Variants in CHSY3 observed in about 807,000 individuals in gnomAD.
CHSY3 encodes the protein chondroitin sulfate synthase 3, also known as N-acetylgalactosaminyl-proteoglycan 3-beta-glucuronosyltransferase 3.
CHSY3 carries 35 observed loss-of-function variants against 67.2 expected under a neutral mutation model. The observed-to-expected ratio is 0.52, with a 90% confidence interval of 0.40 to 0.69. CHSY3 has a LOEUF of 0.69. Ranked by LOEUF, CHSY3 falls within the 30% of genes least tolerant of loss-of-function variation. The pLI is 0.00. For missense variants in CHSY3, 1,069 were observed against 1,138.5 expected, an observed-to-expected ratio of 0.94 and a Z score of 0.88; for synonymous variants, 474 against 434.7, an observed-to-expected ratio of 1.09 and a Z score of -1.12.
intron 2 of CHSY3, among the ~76,000 whole-genome samples, chr5:129,945,058 T>G (rs898820185): frequency 1.3e-5 from 2 of 152,244 alleles, no homozygotes; most frequent in African/African-American, 4.8e-5. Context: ...TGAATTTATC[T>G]ATGCAAATTA....
At chr5:130,071,291 G>A (rs1355757367) in intron 2 of CHSY3, among the ~76,000 whole-genome samples, 1 of 151,974 alleles carries the variant, frequency 6.6e-6, no homozygotes, top group Admixed American at 6.6e-5. Context: ...ATTAGTTCTT[G>A]GTTGCCTGGA....
chr5:130,114,639 A>C (rs1271720341), intron 2 of CHSY3: 1 of 152,188 alleles, frequency 6.6e-6, no homozygotes, highest in East Asian at 1.9e-4. Flanking sequence ...AACTCTGAAA[A>C]ATCGGTAATG....
intron 2 of CHSY3, among the ~76,000 whole-genome samples, chr5:130,064,457 C>T (rs989771920): frequency 3.0e-4 from 45 of 152,160 alleles, no homozygotes; most frequent in South Asian, 8.3e-4. Context: ...TTTTTGTGTT[C>T]GGTTAAGGAA....
intron 2 of CHSY3, among the ~76,000 whole-genome samples, chr5:130,066,229 A>G (rs557074702): frequency 6.6e-6 from 1 of 152,192 alleles, no homozygotes; most frequent in African/African-American, 2.4e-5. Flanking sequence ...GACCAAAATC[A>G]TCTATTATTA....
At position 130,134,198 on chromosome 5, in the gene CHSY3, C is replaced by T. The variant is rs569906919; in HGVS notation, c.1087-50031C>T. Among the ~76,000 whole-genome samples, 4 of 152,258 alleles carry T rather than the reference C, an allele frequency of 2.6e-5. No homozygotes were observed. In the East Asian group the frequency reaches 5.8e-4, roughly 22 times the overall value. On this transcript the variant is annotated intron_variant, in intron 2 of 2. Transcript: ENST00000305031. ...AGGTTTGTCTGATTCTGCATGCAGT[C>T]CATGCTTCTAATCTTCAAGTTATTA...
At chr5:130,149,141 T>C (rs981978329) in intron 2 of CHSY3, among the ~76,000 whole-genome samples, 22 of 152,354 alleles carry the variant, frequency 1.4e-4, no homozygotes, top group African/African-American at 5.3e-4. Context: ...GCACCATTTA[T>C]TGATGTGTCT....
intron 2 of CHSY3, among the ~76,000 whole-genome samples, chr5:130,045,098 C>T (rs1398957073): frequency 2.0e-5 from 3 of 152,118 alleles, no homozygotes; most frequent in Non-Finnish European, 4.4e-5. Flanking sequence ...TCAAGAAATC[C>T]TCCCACCTCA....
chr5:129,977,089 G>C (rs1762834695), intron 2 of CHSY3, among the ~76,000 whole-genome samples: 1 of 151,996 alleles, frequency 6.6e-6, no homozygotes, highest in South Asian at 2.1e-4. Flanking sequence ...TAACCTTATG[G>C]TAGAAATTAT....
chr5:130,068,654 A>G (rs1561521890), intron 2 of CHSY3, among the ~76,000 whole-genome samples: 1 of 152,158 alleles, frequency 6.6e-6, no homozygotes, highest in Non-Finnish European at 1.5e-5. Flanking sequence ...TAAGTACCGT[A>G]TAGCAATTCC....
chr5:129,949,380 T>G (rs1761957632), intron 2 of CHSY3, among the ~76,000 whole-genome samples: 2 of 152,016 alleles, frequency 1.3e-5, no homozygotes, highest in South Asian at 2.1e-4. Flanking sequence ...GACATACAAC[T>G]TACAATGACC....
At chr5:129,956,573 T>C (rs117449668) in intron 2 of CHSY3, among the ~76,000 whole-genome samples, 3,379 of 152,304 alleles carry the variant, frequency 0.022, 197 homozygotes, top group East Asian at 0.11. Context: ...ATCCCATTTG[T>C]CAATTTTTGC....
chr5:130,154,271 A>C (rs142525296), intron 2 of CHSY3, among the ~76,000 whole-genome samples: 1 of 152,300 alleles, frequency 6.6e-6, no homozygotes, highest in East Asian at 1.9e-4. Flanking sequence ...GTAGACAAGA[A>C]TTTAAGGAAT....
chr5:129,987,975 A>G (rs904787642), intron 2 of CHSY3, among the ~76,000 whole-genome samples: 3 of 152,154 alleles, frequency 2.0e-5, no homozygotes, highest in Admixed American at 6.5e-5. Flanking sequence ...GCAGTGTGCC[A>G]TGATATTTAT....
At chr5:130,178,100 A>G (rs550825670) in intron 2 of CHSY3, among the ~76,000 whole-genome samples, 3 of 148,698 alleles carry the variant, frequency 2.0e-5, no homozygotes, top group Non-Finnish European at 4.5e-5. Context: ...GTGTGGATAG[A>G]TGGATATAAT....
At chr5:130,025,031 A>G (rs1764500731) in intron 2 of CHSY3, among the ~76,000 whole-genome samples, 1 of 152,166 alleles carries the variant, frequency 6.6e-6, no homozygotes. Flanking sequence ...CAGGTTATAT[A>G]GTGGAAAATA....
intron 2 of CHSY3, among the ~76,000 whole-genome samples, chr5:130,169,094 A>G (rs1769827729): frequency 6.6e-6 from 1 of 152,266 alleles, no homozygotes; most frequent in African/African-American, 2.4e-5. Context: ...GTCATAGAGT[A>G]TAGTATGACA....
At chr5:130,145,660 C>A (rs1415123104) in intron 2 of CHSY3, among the ~76,000 whole-genome samples, 1 of 151,990 alleles carries the variant, frequency 6.6e-6, no homozygotes, top group African/African-American at 2.4e-5. Context: ...AGTAAGGAGA[C>A]AATGTAGACA....
intron 2 of CHSY3, among the ~76,000 whole-genome samples, chr5:129,938,766 T>C (rs1283506996): frequency 2.0e-5 from 3 of 152,200 alleles, no homozygotes; most frequent in African/African-American, 2.4e-5. Flanking sequence ...GGCTTCGTTG[T>C]CCATATCACT....
intron 2 of CHSY3, among the ~76,000 whole-genome samples, chr5:130,007,923 C>A (rs1346106937): frequency 6.6e-6 from 1 of 152,152 alleles, no homozygotes; most frequent in African/African-American, 2.4e-5. Flanking sequence ...TCATATGGGG[C>A]ACATCTTAAA....
Sources: allele counts gnomAD v4.1 joint callset (sites outside exome capture counted in the v4.1 genomes callset), GRCh38; gene constraint gnomAD v4.1.1; transcripts MANE v1.5; gene names NCBI Gene and HGNC (gene_info 2026-07-23, HGNC 2026-07-21).